The following CARD18 variants were observed in gnomAD, a reference collection of about 807,000 sequenced individuals.
CARD18 encodes the protein caspase recruitment domain family member 18.
In CARD18, 7 loss-of-function variants were observed where a neutral mutation model predicts 7.9. That is an observed-to-expected ratio of 0.88 (90% CI 0.50 to 1.66). The LOEUF (loss-of-function observed/expected upper bound fraction) is 1.66. Among genes scored for constraint, CARD18 ranks in the 40% most tolerant of loss-of-function variants. CARD18 has a pLI of 0.00. For synonymous variants in CARD18, 34 were observed against 34.8 expected (o/e 0.98, Z 0.08); for missense variants, 134 against 105.5 (o/e 1.27, Z -1.18).
In CARD18 at chr11:105,137,783, G is replaced by A. The variant is rs1440867679; in HGVS notation, c.*317C>T. On this transcript the variant is annotated 3_prime_UTR_variant, in exon 3 of 3. Coordinates refer to ENST00000530950, the MANE Select transcript of CARD18 (RefSeq NM_021571.4). ...GACTCTCAGTGCTAAAAGCACCAAA[G>A]TAAGCTGTACATGTCTCTACAGGAT... 1 of 152,106 alleles carries A rather than the reference G, an allele frequency of 6.6e-6. No homozygotes were observed. Among genetic ancestry groups the A allele is most frequent in the Non-Finnish European group, 1.5e-5 (1 of 68,030 alleles). 9.4% of individuals were successfully genotyped at this position (152,106 alleles called of 1,614,324 possible).
chr11:105,139,038 T>C lies in CARD18; in HGVS notation c.48A>G (p.Ser16=), dbSNP rs1282566332. The change falls in exon 2 of 3, where the codon TCA becomes TCG. Residue 16 remains serine, a synonymous_variant. Coordinates refer to ENST00000530950, the MANE Select transcript of CARD18 (RefSeq NM_021571.4). ...LRKKRRIFIH[S]VGAGTINALL... is the part of the protein sequence containing the mutation. Reference sequence around the variant, plus strand: ...AGGCATTTATTGTGCCTGCACCCACTGAATGGATAAAAATTCTTCTCTTTT... The same window carrying C: ...AGGCATTTATTGTGCCTGCACCCACCGAATGGATAAAAATTCTTCTCTTTT... 3 of 1,613,484 alleles carry C rather than the reference T, an allele frequency of 1.9e-6. No homozygotes were observed. Among genetic ancestry groups the C allele is most frequent in the South Asian group, 1.1e-5 (1 of 91,018 alleles).
intron 1 of CARD18, 32 bp from the exon 2 acceptor site, chr11:105,139,110 G>T (rs1865442655): frequency 6.3e-7 from 1 of 1,596,420 alleles, no homozygotes; most frequent in South Asian, 1.1e-5. Context: ...CTCAAATAAT[G>T]AACATGACAC....
At chr11:105,139,630 C>A in intron 1 of CARD18, 90 bp downstream of exon 1, 1 of 1,462,524 alleles carries the variant, frequency 6.8e-7, no homozygotes, top group South Asian at 1.2e-5. Context: ...AGGCTGCCCA[C>A]ACAAACCTTC....
At position 105,138,003 on chromosome 11, in the gene CARD18, G is replaced by GTTGTT. The variant is rs1591254722; in HGVS notation, c.*92_*96dup. On this transcript the variant is annotated 3_prime_UTR_variant, in exon 3 of 3. Transcript: ENST00000530950. The stretch of plus-strand genomic sequence containing the variant: ...ATTAATCAGGTTTGAAAAAAGCACT[G>GTTGTT]TTGTTTTGTTTTGTTTTTTTCTTTC... 6.6e-6 allele frequency: 1 copy of GTTGTT among 152,148 alleles called. No individual in the cohort carries two copies. The highest frequency in any genetic ancestry group is 2.1e-4 in the South Asian group (1 of 4,824). The allele number at this position is 152,148 out of a possible 1,614,324, so 9.4% of individuals were successfully genotyped here. A position where few individuals can be genotyped will look rare whatever the true frequency, so the allele number is the denominator to read the frequency against.
At chr11:105,139,184 T>A (rs559012805) in intron 1 of CARD18, 106 bp from the exon 2 acceptor site, 3 of 1,268,514 alleles carry the variant, frequency 2.4e-6, no homozygotes, top group South Asian at 2.8e-5. Flanking sequence ...ACAAGTACAG[T>A]AATCCCAAGG....
At chr11:105,138,738 C>T (rs1308516666) in intron 2 of CARD18, 74 bp downstream of exon 2, 2 of 1,512,514 alleles carry the variant, frequency 1.3e-6, no homozygotes. Context: ...ACTGACAAGA[C>T]AAGTGAAGAA....
At chr11:105,138,519 A>G (rs1007122621) in intron 2 of CARD18, among the ~76,000 whole-genome samples, 1 of 152,122 alleles carries the variant, frequency 6.6e-6, no homozygotes, top group African/African-American at 2.4e-5. Flanking sequence ...CAGGACCATT[A>G]AAAGATTCAG....
chr11:105,139,263 A>T (rs1272583282), intron 1 of CARD18, 185 bp from the exon 2 acceptor site: 9 of 627,562 alleles, frequency 1.4e-5, no homozygotes, highest in East Asian at 5.7e-5. Context: ...ACATATGCTC[A>T]CTGAGTGACC....
intron 1 of CARD18, chr11:105,139,345 C>T: frequency 3.7e-6 from 2 of 540,602 alleles, no homozygotes; most frequent in South Asian, 5.1e-5. Context: ...TGACACATCC[C>T]AGTTTCTTGA....
At chr11:105,139,135 T>A in intron 1 of CARD18, 57 bp from the exon 2 acceptor site, 1 of 1,549,474 alleles carries the variant, frequency 6.5e-7, no homozygotes, top group Non-Finnish European at 8.8e-7. Context: ...TCCCTCTCAA[T>A]TTACCAACAG....
At chr11:105,138,782 TGGACATTAG>T (rs1020477357) in intron 2 of CARD18, 21 bp downstream of exon 2, 11 of 1,608,460 alleles carry the variant, frequency 6.8e-6, no homozygotes, top group Non-Finnish European at 6.8e-6. Context: ...AGGGCCTATT[TGGACATTAG>T]GTTGAATCAT....
chr11:105,138,701 G>C (rs1312853085), intron 2 of CARD18, 111 bp downstream of exon 2: 4 of 1,228,210 alleles, frequency 3.3e-6, no homozygotes, highest in Non-Finnish European at 4.6e-6. Flanking sequence ...GGAGTCTGAG[G>C]CTAAAATGAT....
chr11:105,139,567 G>T, intron 1 of CARD18, 153 bp downstream of exon 1: 1 of 733,206 alleles, frequency 1.4e-6, no homozygotes, highest in Non-Finnish European at 2.3e-6. Context: ...CGCTGTGCAA[G>T]TCTGGGCATC....
chr11:105,139,169 T>G, intron 1 of CARD18, 91 bp from the exon 2 acceptor site: 1 of 1,376,892 alleles, frequency 7.3e-7, no homozygotes, highest in South Asian at 1.3e-5. Flanking sequence ...TAAACATTTC[T>G]CTCCACAAGT....
chr11:105,138,908 G>T lies in CARD18; in HGVS notation c.178C>A (p.Leu60Ile). The change falls in exon 2 of 3, where the codon CTT becomes ATT. Residue 60 changes from leucine (L) to isoleucine (I), a missense_variant. Physicochemically the swap from Leu to Ile is conservative, Grantham distance 5 (BLOSUM62 2). Transcript: ENST00000530950. ...VMDKARVLID[L>I]VTGKGPKSCC... is the part of the protein sequence containing the mutation. ...GACTTGGGTCCTTTTCCAGTAACAAGGTCAATCAAGACTCGAGCCTTATCC... is the reference window on the plus strand; with the variant it reads ...GACTTGGGTCCTTTTCCAGTAACAATGTCAATCAAGACTCGAGCCTTATCC... The T allele has an allele frequency of 6.2e-7, 1 of 1,613,680 alleles. No homozygotes were observed. Among genetic ancestry groups the T allele is most frequent in the South Asian group, 1.1e-5 (1 of 91,070 alleles).
At chr11:105,138,243 A>C (rs370556908) in intron 2 of CARD18, 145 bp from the exon 3 acceptor site, 1 of 153,546 alleles carries the variant, frequency 6.5e-6, no homozygotes, top group South Asian at 2.0e-4. Flanking sequence ...ACCATATTAC[A>C]CAAAAGAAAA....
rs1303184021 is a variant in CARD18, at chr11:105,139,166, T to C, written c.8-88A>G. The C allele has an allele frequency of 2.1e-6, 3 of 1,406,476 alleles. No homozygotes were observed. The African/African-American group carries it at 4.3e-5, about 20-fold the overall frequency. 87.1% of individuals were successfully genotyped at this position (1,406,476 alleles called of 1,614,324 possible). ...AACAGGGTAACAATCATTTAAACAT[T>C]TCTCTCCACAAGTACAGTAATCCCA... is the stretch of plus-strand genomic sequence containing the variant. On this transcript the variant is annotated intron_variant, in intron 1 of 2. Transcript: ENST00000530950.
chr11:105,138,731 G>A, intron 2 of CARD18, 81 bp downstream of exon 2: 2 of 1,478,116 alleles, frequency 1.4e-6, no homozygotes, highest in Non-Finnish European at 9.3e-7. Flanking sequence ...ATTATCAACT[G>A]ACAAGACAAG....
chr11:105,139,398 T>C, intron 1 of CARD18: 1 of 538,052 alleles, frequency 1.9e-6, no homozygotes, highest in Non-Finnish European at 3.3e-6. Context: ...TGAAGGGAAT[T>C]GACTGTTTCC....
Sources: gnomAD v4.1 joint callset for allele counts (sites outside exome capture counted in the v4.1 genomes callset) on GRCh38, gnomAD v4.1.1 for gene constraint, MANE v1.5 for transcripts, NCBI Gene and HGNC (gene_info 2026-07-23, HGNC 2026-07-21) for gene names.